Variants in ATF1 observed in about 807,000 individuals in gnomAD.
ATF1 encodes cyclic AMP-dependent transcription factor ATF-1.
Under a neutral mutation model 34.7 loss-of-function variants are expected in ATF1, and 16 were observed. That is an observed-to-expected ratio of 0.46 (90% CI 0.31 to 0.70). The LOEUF is 0.70. Among genes scored for constraint, ATF1 ranks in the 30% least tolerant of loss-of-function variants. The pLI, the probability that ATF1 is intolerant of heterozygous loss-of-function variation, is 0.05. For synonymous variants in ATF1, 105 were observed against 113.1 expected (o/e 0.93, Z 0.46); for missense variants, 255 against 321.6 (o/e 0.79, Z 1.58).
At chr12:50,812,387 C>T (rs896343413) in intron 4 of ATF1, among the ~76,000 whole-genome samples, 3 of 151,508 alleles carry the variant, frequency 2.0e-5, no homozygotes, top group African/African-American at 4.9e-5. Flanking sequence ...CTCAGGATGG[C>T]GGTAAAAGGG....
intron 2 of ATF1, among the ~76,000 whole-genome samples, chr12:50,794,416 T>C (rs1383630924): frequency 4.0e-5 from 6 of 151,208 alleles, no homozygotes; most frequent in Admixed American, 4.0e-4. Flanking sequence ...AATACAAAAA[T>C]TAGCTGGGCG....
chr12:50,803,169 T>C (rs1033051242), intron 3 of ATF1, among the ~76,000 whole-genome samples: 1 of 151,378 alleles, frequency 6.6e-6, no homozygotes, highest in African/African-American at 2.4e-5. Flanking sequence ...CTAGGGAGGC[T>C]GAGGCAGGAG....
chr12:50,788,738 GC>G (rs758547174), intron 2 of ATF1, among the ~76,000 whole-genome samples: 6 of 152,102 alleles, frequency 3.9e-5, no homozygotes, highest in Non-Finnish European at 8.8e-5. Context: ...GTGCAAAGTG[GC>G]AAAAAATTTG....
Position 50,814,151 on chromosome 12 carries a change from G to C in ATF1, c.470G>C (p.Gly157Ala), listed in dbSNP as rs1279658182. Residue 157 changes from glycine (G) to alanine (A), a missense_variant, in exon 5 of 7, where the codon GGA becomes GCA. Gly to Ala is a moderately conservative substitution (Grantham distance 60). This residue lies in a region of ATF1 where 221 missense variants were observed against 250.7 expected (regional missense o/e 0.88). Coordinates refer to ENST00000262053, the MANE Select transcript of ATF1 (RefSeq NM_005171.5). ...CTTCAGTATGCACAGACCTCTGATGGACAGCAGATACTTGTGCCCAGCAAT... is the reference window on the plus strand; with the variant it reads ...CTTCAGTATGCACAGACCTCTGATGCACAGCAGATACTTGTGCCCAGCAAT... ...TILQYAQTSD[G>A]QQILVPSNQV... The C allele has an allele frequency of 1.1e-5, 17 of 1,614,006 alleles. No homozygotes were observed. The highest frequency in any genetic ancestry group is 1.4e-5 in the Non-Finnish European group (17 of 1,180,022).
chr12:50,811,645 A>G (rs982373539), intron 4 of ATF1, among the ~76,000 whole-genome samples: 1 of 151,146 alleles, frequency 6.6e-6, no homozygotes, highest in Non-Finnish European at 1.5e-5. Flanking sequence ...AAAAAAAAAA[A>G]AAAAGCCGGG....
chr12:50,819,809 A>C lies in ATF1; in HGVS notation c.*30A>C, dbSNP rs746658284. On this transcript the variant is annotated 3_prime_UTR_variant, in exon 7 of 7. Coordinates refer to ENST00000262053, the MANE Select transcript of ATF1 (RefSeq NM_005171.5). ...TAAGAAAGAAAATATTTTTGTGGAC[A>C]TGCATAAAAATTAAATGGATTTCCT... 2 of 1,471,192 alleles carry C rather than the reference A, an allele frequency of 1.4e-6. No homozygotes were observed. The highest frequency in any genetic ancestry group is 1.8e-6 in the Non-Finnish European group (2 of 1,081,148). The allele number at this position is 1,471,192 out of a possible 1,614,324, so 91.1% of individuals were successfully genotyped here.
Position 50,813,989 on chromosome 12 carries a change from A to G in ATF1, c.329-21A>G, listed in dbSNP as rs150707047. 1,219 of 1,602,486 alleles carry G rather than the reference A, an allele frequency of 7.6e-4. 20 individuals are homozygous for G. The highest frequency in any genetic ancestry group is 7.2e-5 in the Non-Finnish European group (84 of 1,174,748). On this transcript the variant is annotated intron_variant, in intron 4 of 6. Transcript: ENST00000262053. The stretch of plus-strand genomic sequence containing the variant: ...TGTATTATATAACCTTACAATAGCT[A>G]TTTTCTCTTTTTGATTAAAGTTGCC...
intron 3 of ATF1, among the ~76,000 whole-genome samples, chr12:50,802,931 A>AT (rs1476996439): frequency 1.4e-5 from 2 of 144,006 alleles, no homozygotes; most frequent in Admixed American, 1.4e-4. Context: ...ATGTTGATTG[A>AT]TCAGAAGACT....
At chr12:50,767,111 C>T (rs1228555492) in intron 1 of ATF1, among the ~76,000 whole-genome samples, 3 of 151,970 alleles carry the variant, frequency 2.0e-5, no homozygotes, top group African/African-American at 4.8e-5. Flanking sequence ...ACTAGGACCA[C>T]TAAGGGAAAG....
intron 2 of ATF1, among the ~76,000 whole-genome samples, chr12:50,791,417 G>A (rs948109018): frequency 5.9e-5 from 9 of 152,222 alleles, no homozygotes; most frequent in Middle Eastern, 3.4e-3. Flanking sequence ...TTAGCTGGGC[G>A]TGGTCACGCA....
chr12:50,786,662 AAAAG>A (rs1042904876), intron 2 of ATF1, among the ~76,000 whole-genome samples: 1 of 152,186 alleles, frequency 6.6e-6, no homozygotes, highest in African/African-American at 2.4e-5. Flanking sequence ...AGTAAAAAGA[AAAAG>A]AAAACCCACA....
intron 1 of ATF1, among the ~76,000 whole-genome samples, chr12:50,776,663 C>T (rs1592170213): frequency 1.3e-5 from 2 of 152,004 alleles, no homozygotes; most frequent in Non-Finnish European, 1.5e-5. Flanking sequence ...TGCTTTCTTA[C>T]GTGCTTTTGA....
chr12:50,809,014 A>G (rs151163882), intron 3 of ATF1, among the ~76,000 whole-genome samples: 7,415 of 152,168 alleles, frequency 0.049, 616 homozygotes, highest in African/African-American at 0.17. Flanking sequence ...CTGGGATTAC[A>G]GGTGTGAGCC....
At chr12:50,784,298 C>T (rs1460082124) in intron 2 of ATF1, among the ~76,000 whole-genome samples, 1 of 152,180 alleles carries the variant, frequency 6.6e-6, no homozygotes, top group Non-Finnish European at 1.5e-5. Flanking sequence ...GGCAACAAAA[C>T]CTATCAGTTG....
upstream of ATF1, chr12:50,764,055 C>T (rs898802260): frequency 6.8e-5 from 10 of 147,480 alleles, no homozygotes; most frequent in African/African-American, 9.8e-5. Context: ...CCCCTCCCCT[C>T]CCCCGCCCCC....
intron 2 of ATF1, among the ~76,000 whole-genome samples, chr12:50,791,904 T>G (rs1051056344): frequency 4.6e-5 from 7 of 152,226 alleles, no homozygotes; most frequent in Non-Finnish European, 5.9e-5. Flanking sequence ...TTCAGTCATT[T>G]ACTTGAAATA....
intron 3 of ATF1, among the ~76,000 whole-genome samples, chr12:50,798,587 G>A (rs1391508843): frequency 6.6e-6 from 1 of 152,138 alleles, no homozygotes; most frequent in Non-Finnish European, 1.5e-5. Context: ...GGGATTACAG[G>A]CGTGAGTCAC....
intron 4 of ATF1, among the ~76,000 whole-genome samples, chr12:50,810,509 C>G (rs553269166): frequency 2.0e-5 from 3 of 152,208 alleles, no homozygotes. Flanking sequence ...GCGTGAGCCA[C>G]CACGCCTGGC....
Position 50,796,054 on chromosome 12 carries a change from A to C in ATF1, c.194+45A>C, listed in dbSNP as rs566607169. ...AAGCCCTGCATGTTATGATAGTACC[A>C]AATGAGTTCAAGAGGTGCTGTGCAA... On this transcript the variant is annotated intron_variant, in intron 3 of 6. Transcript: ENST00000262053. 3.4e-6 allele frequency: 5 copies of C among 1,463,018 alleles called. No individual in the cohort carries two copies. The African/African-American group carries it at 7.1e-5, about 21-fold the overall frequency. The allele number at this position is 1,463,018 out of a possible 1,614,324, so 90.6% of individuals were successfully genotyped here. A position where few individuals can be genotyped will look rare whatever the true frequency, so the allele number is the denominator to read the frequency against.
Sources: gnomAD v4.1 joint callset for allele counts (sites outside exome capture counted in the v4.1 genomes callset) on GRCh38, gnomAD v4.1.1 for gene constraint, gnomAD v4.1.1 regional missense constraint, MANE v1.5 for transcripts, NCBI Gene and HGNC (gene_info 2026-07-23, HGNC 2026-07-21) for gene names.